Variants in WDR47 observed in about 807,000 individuals in gnomAD.
The protein encoded by WDR47 is WD repeat domain 47, also known as WD repeat-containing protein 47.
Under a neutral mutation model 97.2 loss-of-function variants are expected in WDR47, and 32 were observed. The ratio of observed to expected loss-of-function variants is 0.33; its 90% confidence interval spans 0.25 to 0.44. The LOEUF is 0.44. WDR47 is among the 20% of genes least tolerant of loss of function. The pLI is 1.00. For synonymous variants in WDR47, 375 were observed against 373.5 expected (o/e 1.00, Z -0.05); for missense variants, 782 against 1,102.3 (o/e 0.71, Z 4.11).
intron 5 of WDR47, among the ~76,000 whole-genome samples, chr1:109,007,495 A>T (rs1266405625): frequency 6.6e-6 from 1 of 152,168 alleles, no homozygotes; most frequent in Non-Finnish European, 1.5e-5. Context: ...AATATATTTT[A>T]AAATAGGTGC....
Position 108,971,440 on chromosome 1 carries a change from T to C in WDR47, c.2750A>G (p.Tyr917Cys). 2 of 1,614,204 alleles carry C rather than the reference T, an allele frequency of 1.2e-6. No individual in the cohort carries two copies. The highest frequency in any genetic ancestry group is 1.1e-5 in the South Asian group (1 of 91,084). Reference protein sequence around the residue: ...SADRTVTLWTYNG With the variant: ...SADRTVTLWTCNG Reference sequence around the variant, plus strand: ...GACATGCGGTGTGCTCTACCCATTGTAAGTCCAGAGGGTGACAGTTCTATC... The same window carrying C: ...GACATGCGGTGTGCTCTACCCATTGCAAGTCCAGAGGGTGACAGTTCTATC... The change falls in exon 15 of 15, where the codon TAC (tyrosine) becomes TGC (cysteine). Residue 917 changes from tyrosine (Y) to cysteine (C), a missense_variant. Coordinates refer to ENST00000369962, the MANE Select transcript of WDR47 (RefSeq NM_001142551.2).
In WDR47 at chr1:109,012,171, A is replaced by T. The variant is rs540207915; in HGVS notation, c.328-453T>A. The stretch of plus-strand genomic sequence containing the variant: ...TTTTTCTAGAAATGAAAATTGAAGC[A>T]TGCCAATGTTCAATTGTTTATAAAC... On this transcript the variant is annotated intron_variant, in intron 4 of 14. Transcript: ENST00000369962. Among the ~76,000 whole-genome samples the T allele has an allele frequency of 3.3e-5, 5 of 152,306 alleles. No homozygotes were observed. The East Asian group carries it at 7.7e-4, about 24-fold the overall frequency.
intron 2 of WDR47, 49 bp from the exon 3 acceptor site, chr1:109,017,650 A>G: frequency 6.1e-6 from 9 of 1,464,274 alleles, no homozygotes; most frequent in Non-Finnish European, 8.5e-6. Context: ...TTCAGGTTAT[A>G]CTAATTAAAA....
At chr1:108,979,539 C>CAA (rs11425211) in intron 13 of WDR47, among the ~76,000 whole-genome samples, 35 of 151,166 alleles carry the variant, frequency 2.3e-4, no homozygotes, top group Admixed American at 5.3e-4. Flanking sequence ...CAAAACAAAA[C>CAA]AAAAAAACAA....
At chr1:109,032,519 A>AAG (rs1662673563) in intron 1 of WDR47, among the ~76,000 whole-genome samples, 1 of 89,892 alleles carries the variant, frequency 1.1e-5, no homozygotes, top group African/African-American at 3.6e-5. Context: ...AAAAAAAAAA[A>AAG]AAGATTTTCT....
intron 11 of WDR47, among the ~76,000 whole-genome samples, chr1:108,983,053 T>C (rs1227444477): frequency 6.6e-6 from 1 of 152,124 alleles, no homozygotes; most frequent in East Asian, 1.9e-4. Flanking sequence ...TAAAGGCTAT[T>C]TTTCTAATAA....
At chr1:108,989,154 C>T (rs1659111164) in intron 9 of WDR47, among the ~76,000 whole-genome samples, 1 of 152,166 alleles carries the variant, frequency 6.6e-6, no homozygotes, top group African/African-American at 2.4e-5. Flanking sequence ...GAACCTACTA[C>T]TGATGTCATT....
chr1:108,980,743 C>A (rs150550598), intron 13 of WDR47, among the ~76,000 whole-genome samples: 60 of 146,842 alleles, frequency 4.1e-4, no homozygotes, highest in East Asian at 1.8e-3. Flanking sequence ...ACAACAACAA[C>A]AAAAAAACTA....
intron 2 of WDR47, among the ~76,000 whole-genome samples, chr1:109,019,913 C>T (rs1231501463): frequency 1.3e-5 from 2 of 152,050 alleles, no homozygotes; most frequent in South Asian, 2.1e-4. Flanking sequence ...GGCAGGAAGA[C>T]CTACATAGGA....
In WDR47 at chr1:109,011,095, T is replaced by G. The variant is rs146207643; in HGVS notation, c.951A>C (p.Leu317Phe). Residue 317 changes from leucine (L) to phenylalanine (F), a missense_variant, in exon 5 of 15, where the codon TTA (leucine) becomes TTC (phenylalanine). Physicochemically the swap from Leu to Phe is conservative, Grantham distance 22. Coordinates refer to ENST00000369962, the MANE Select transcript of WDR47 (RefSeq NM_001142551.2). The part of the protein sequence containing the change: ...AYMTRSLNPA[L>F]DGLTCGLTSH... ...TGGTTAGTCCACAGGTGAGGCCATCTAAAGCAGGATTCAGAGAGCGGGTCA... is the reference window on the plus strand; with the variant it reads ...TGGTTAGTCCACAGGTGAGGCCATCGAAAGCAGGATTCAGAGAGCGGGTCA... 3.5e-5 allele frequency: 56 copies of G among 1,614,020 alleles called. No homozygotes were observed. The highest frequency in any genetic ancestry group is 4.7e-5 in the Non-Finnish European group (55 of 1,180,042).
chr1:108,987,172 T>C, intron 9 of WDR47: 1 of 180,736 alleles, frequency 5.5e-6, no homozygotes. Context: ...TAATGGTGTT[T>C]CTTCTATCTT....
intron 5 of WDR47, among the ~76,000 whole-genome samples, chr1:109,008,526 G>A (rs1660796386): frequency 6.6e-6 from 1 of 152,054 alleles, no homozygotes; most frequent in African/African-American, 2.4e-5. Flanking sequence ...GCTTCCCAAA[G>A]TGCTGGGATT....
At chr1:108,997,759 C>CAAAA (rs35471904) in intron 7 of WDR47, among the ~76,000 whole-genome samples, 15 of 101,938 alleles carry the variant, frequency 1.5e-4, no homozygotes, top group Non-Finnish European at 2.0e-4. Context: ...GACTCCATCT[C>CAAAA]AAAAAAAAAA....
At chr1:109,028,123 C>T (rs1326458229) in intron 1 of WDR47, among the ~76,000 whole-genome samples, 1 of 152,114 alleles carries the variant, frequency 6.6e-6, no homozygotes, top group Admixed American at 6.6e-5. Context: ...GCTGAATTAA[C>T]TTGAGATGTA....
At chr1:109,021,015 C>G (rs1045293982) in intron 2 of WDR47, among the ~76,000 whole-genome samples, 4 of 151,794 alleles carry the variant, frequency 2.6e-5, no homozygotes, top group Admixed American at 6.6e-5. Context: ...CTTTCCAAGT[C>G]ACAAAATGCC....
At position 108,986,554 on chromosome 1, in the gene WDR47, C is replaced by T. The variant is rs774409996; in HGVS notation, c.1894G>A (p.Val632Ile). Reference sequence around the variant, plus strand: ...TCAATTACATCTGGATAGGCACATACTCTCAGAGTTTTTGAATTTGAACCA... The same window carrying T: ...TCAATTACATCTGGATAGGCACATATTCTCAGAGTTTTTGAATTTGAACCA... ...AVGSNSKTLR[V>I]CAYPDVIDPS... The change falls in exon 10 of 15, where the codon GTA becomes ATA. Residue 632 changes from valine to isoleucine, a missense_variant. By Grantham distance (29) the Val-to-Ile change is conservative (BLOSUM62 3). Transcript: ENST00000369962. The T allele has an allele frequency of 6.2e-7, 1 of 1,613,626 alleles. No individual in the cohort carries two copies. Among genetic ancestry groups the T allele is most frequent in the East Asian group, 2.2e-5 (1 of 44,808 alleles).
At chr1:109,018,336 C>G (rs1661572761) in intron 2 of WDR47, among the ~76,000 whole-genome samples, 1 of 151,268 alleles carries the variant, frequency 6.6e-6, no homozygotes, top group East Asian at 2.0e-4. Context: ...GTAATCCCAG[C>G]TACTGGCAGG....
At chr1:108,986,801 G>A in intron 9 of WDR47, 121 bp from the exon 10 acceptor site, 2 of 807,380 alleles carry the variant, frequency 2.5e-6, no homozygotes, top group Non-Finnish European at 3.8e-6. Flanking sequence ...TAGGTTTACT[G>A]CCAATAACCA....
chr1:109,027,051 C>A (rs1378315592), intron 1 of WDR47, among the ~76,000 whole-genome samples: 1 of 151,850 alleles, frequency 6.6e-6, no homozygotes, highest in Non-Finnish European at 1.5e-5. Flanking sequence ...ATTTTAATCA[C>A]CCAACACAGA....
Sources: allele counts gnomAD v4.1 joint callset (sites outside exome capture counted in the v4.1 genomes callset), GRCh38; gene constraint gnomAD v4.1.1; transcripts MANE v1.5; gene names NCBI Gene and HGNC (gene_info 2026-07-23, HGNC 2026-07-21).